The following TBC1D22A variants were observed in gnomAD, a reference collection of about 807,000 sequenced individuals.
TBC1D22A encodes putative GTPase activator.
TBC1D22A carries 38 observed loss-of-function variants against 60.2 expected under a neutral mutation model. The ratio of observed to expected loss-of-function variants is 0.63; its 90% CI spans 0.49 to 0.83. The LOEUF (loss-of-function observed/expected upper bound fraction) is 0.83. TBC1D22A is among the 40% of genes least tolerant of loss of function. The pLI, the probability that TBC1D22A is intolerant of heterozygous loss-of-function variation, is 0.00. For synonymous variants in TBC1D22A, 302 were observed against 281.7 expected (o/e 1.07, Z -0.72); for missense variants, 628 against 701.0 (o/e 0.90, Z 1.18).
intron 5 of TBC1D22A, among the ~76,000 whole-genome samples, chr22:46,883,944 C>T (rs935711945): frequency 5.3e-5 from 8 of 152,202 alleles, no homozygotes; most frequent in African/African-American, 9.6e-5. Flanking sequence ...AGTGAGCACA[C>T]GCATCTTTCT....
chr22:47,044,878 G>A (rs1292274361), intron 11 of TBC1D22A, among the ~76,000 whole-genome samples: 1 of 152,208 alleles, frequency 6.6e-6, no homozygotes, highest in Non-Finnish European at 1.5e-5. Flanking sequence ...CAATCATGTT[G>A]CTTTTTATTG....
chr22:47,046,992 T>C (rs1464380128), intron 11 of TBC1D22A, among the ~76,000 whole-genome samples: 1 of 152,260 alleles, frequency 6.6e-6, no homozygotes, highest in African/African-American at 2.4e-5. Context: ...TTTCAGATGA[T>C]GTATTCATTA....
intron 1 of TBC1D22A, among the ~76,000 whole-genome samples, chr22:46,788,544 T>G (rs1338503279): frequency 1.3e-5 from 2 of 152,136 alleles, no homozygotes; most frequent in Non-Finnish European, 2.9e-5. Context: ...TTTCATTCCT[T>G]TGGTAAAAGT....
chr22:47,019,152 G>T (rs189693546), intron 10 of TBC1D22A, among the ~76,000 whole-genome samples: 2 of 152,338 alleles, frequency 1.3e-5, no homozygotes, highest in East Asian at 3.9e-4. Context: ...CGGAGCCTGC[G>T]TTTGTTCACT....
intron 1 of TBC1D22A, among the ~76,000 whole-genome samples, chr22:46,775,148 G>A (rs148213608): frequency 3.5e-3 from 531 of 152,366 alleles, no homozygotes; most frequent in African/African-American, 0.012. Context: ...CAGAGGACCC[G>A]GTCTTGGAAA....
chr22:47,098,079 GAAAA>G (rs377417357), intron 11 of TBC1D22A, among the ~76,000 whole-genome samples: 1 of 151,820 alleles, frequency 6.6e-6, no homozygotes, highest in East Asian at 1.9e-4. Flanking sequence ...AAAAGAAAAA[GAAAA>G]AAAATCAGGA....
intron 10 of TBC1D22A, among the ~76,000 whole-genome samples, chr22:47,035,793 C>G (rs116800081): frequency 1.3e-5 from 2 of 152,152 alleles, no homozygotes; most frequent in African/African-American, 2.4e-5. Flanking sequence ...GGGCAGCTCC[C>G]GGTCCCACGG....
intron 5 of TBC1D22A, among the ~76,000 whole-genome samples, chr22:46,882,036 T>G (rs1298093464): frequency 6.6e-6 from 1 of 152,202 alleles, no homozygotes; most frequent in Admixed American, 6.5e-5. Flanking sequence ...TGGTGGGTAC[T>G]GGGAACTCAG....
intron 8 of TBC1D22A, chr22:46,915,975 G>T: frequency 2.2e-6 from 1 of 453,244 alleles, no homozygotes; most frequent in Non-Finnish European, 4.4e-6. Flanking sequence ...AGGATGTGGT[G>T]GGCTTCAGAT....
intron 11 of TBC1D22A, among the ~76,000 whole-genome samples, chr22:47,048,884 A>C (rs1490983987): frequency 6.6e-6 from 1 of 152,180 alleles, no homozygotes; most frequent in African/African-American, 2.4e-5. Flanking sequence ...GACTGCCCGC[A>C]TGCACCCTGG....
At chr22:47,133,547 CAG>C (rs1722792433) in intron 12 of TBC1D22A, among the ~76,000 whole-genome samples, 1 of 152,208 alleles carries the variant, frequency 6.6e-6, no homozygotes, top group African/African-American at 2.4e-5. Flanking sequence ...AGCTGTGCAG[CAG>C]AGTTGACATA....
At chr22:46,785,680 C>G (rs1293195770) in intron 1 of TBC1D22A, among the ~76,000 whole-genome samples, 1 of 152,204 alleles carries the variant, frequency 6.6e-6, no homozygotes, top group Non-Finnish European at 1.5e-5. Context: ...CTAGGGATTT[C>G]AAATAAATGG....
chr22:46,854,068 G>A (rs1042518466), intron 4 of TBC1D22A, among the ~76,000 whole-genome samples: 2 of 152,048 alleles, frequency 1.3e-5, no homozygotes, highest in African/African-American at 4.8e-5. Context: ...GTGCGTTTCT[G>A]GACTTCTTGT....
At chr22:47,164,458 G>A (rs2068118775) in intron 12 of TBC1D22A, among the ~76,000 whole-genome samples, 1 of 152,212 alleles carries the variant, frequency 6.6e-6, no homozygotes. Flanking sequence ...AGGTTTTTCG[G>A]CGAGGGTCCC....
chr22:47,103,833 C>T (rs1176978887), intron 11 of TBC1D22A, among the ~76,000 whole-genome samples: 1 of 152,086 alleles, frequency 6.6e-6, no homozygotes, highest in Non-Finnish European at 1.5e-5. Context: ...ACAAACCATA[C>T]ATAAATTCTC....
At chr22:46,781,435 C>T (rs801618) in intron 1 of TBC1D22A, among the ~76,000 whole-genome samples, 7,144 of 152,254 alleles carry the variant, frequency 0.047, 566 homozygotes, top group African/African-American at 0.16. Flanking sequence ...CTTGGCCTCC[C>T]GAAGTGCTGG....
At chr22:47,026,979 C>A (rs542807135) in intron 10 of TBC1D22A, among the ~76,000 whole-genome samples, 1 of 152,148 alleles carries the variant, frequency 6.6e-6, no homozygotes, top group South Asian at 2.1e-4. Flanking sequence ...TCACTTTTTT[C>A]TTTTTTTGTG....
chr22:46,849,860 T>C (rs1321968731), intron 4 of TBC1D22A, among the ~76,000 whole-genome samples: 1 of 152,224 alleles, frequency 6.6e-6, no homozygotes, highest in Admixed American at 6.5e-5. Context: ...GGCTGGTGGA[T>C]TGCCGAACAT....
At chr22:47,099,507 G>T (rs148279142) in intron 11 of TBC1D22A, among the ~76,000 whole-genome samples, 1,699 of 150,990 alleles carry the variant, frequency 0.011, 34 homozygotes, top group African/African-American at 0.038. Flanking sequence ...GTGCAATGGC[G>T]CGATCTCAGC....
Sources: gnomAD v4.1 joint callset for allele counts (sites outside exome capture counted in the v4.1 genomes callset) on GRCh38, gnomAD v4.1.1 for gene constraint, MANE v1.5 for transcripts, NCBI Gene and HGNC (gene_info 2026-07-23, HGNC 2026-07-21) for gene names.